The following CCSER1 variants were observed in gnomAD, a reference collection of about 807,000 sequenced individuals.
CCSER1 encodes the protein serine-rich coiled-coil domain-containing protein 1.
CCSER1 carries 41 observed loss-of-function variants against 82.0 expected under a neutral mutation model. That is an observed-to-expected ratio of 0.50 (90% confidence interval 0.39 to 0.65). The LOEUF (loss-of-function observed/expected upper bound fraction) is 0.65. Among genes scored for constraint, CCSER1 ranks in the 30% least tolerant of loss-of-function variants. The probability of loss-of-function intolerance (pLI) is 0.00; values close to 1 mark genes in which losing one functional copy is unlikely to be tolerated. For synonymous variants in CCSER1, 414 were observed against 383.9 expected (o/e 1.08, Z -0.92); for missense variants, 1,119 against 1,064.2 (o/e 1.05, Z -0.72).
At chr4:90,489,375 C>T (rs1259981558) in intron 5 of CCSER1, among the ~76,000 whole-genome samples, 1 of 151,770 alleles carries the variant, frequency 6.6e-6, no homozygotes, top group Non-Finnish European at 1.5e-5. Flanking sequence ...TAAGATATAC[C>T]CCTTTAAAAC....
intron 5 of CCSER1, among the ~76,000 whole-genome samples, chr4:90,593,523 G>A (rs567520075): frequency 1.3e-5 from 2 of 152,178 alleles, no homozygotes; most frequent in Admixed American, 6.6e-5. Context: ...TATGCCCTAT[G>A]TAAATGAAGA....
intron 7 of CCSER1, among the ~76,000 whole-genome samples, chr4:90,767,754 A>G (rs926007725): frequency 2.0e-5 from 3 of 152,006 alleles, no homozygotes; most frequent in Non-Finnish European, 2.9e-5. Context: ...AGTTTGCTCC[A>G]TCTCCAGGGC....
intron 9 of CCSER1, among the ~76,000 whole-genome samples, chr4:91,006,343 G>C (rs1001088822): frequency 6.7e-6 from 1 of 148,958 alleles, no homozygotes; most frequent in African/African-American, 2.5e-5. Context: ...GGTTAATTTT[G>C]TATCCTGCAA....
intron 10 of CCSER1, among the ~76,000 whole-genome samples, chr4:91,505,684 T>A (rs911060133): frequency 2.6e-5 from 4 of 152,232 alleles, no homozygotes; most frequent in African/African-American, 9.6e-5. Context: ...TTTGCAGTTA[T>A]CTAATGATCA....
At chr4:90,817,053 C>T (rs17247348) in intron 8 of CCSER1, among the ~76,000 whole-genome samples, 19,812 of 152,012 alleles carry the variant, frequency 0.13, 1,604 homozygotes, top group Non-Finnish European at 0.18. Flanking sequence ...ACCAAAATAA[C>T]CTTTTATAAA....
intron 8 of CCSER1, among the ~76,000 whole-genome samples, chr4:90,881,772 A>T (rs1242613087): frequency 1.3e-5 from 2 of 152,146 alleles, no homozygotes; most frequent in African/African-American, 4.8e-5. Flanking sequence ...GTGACAGAGT[A>T]AGACCATGTC....
chr4:90,890,285 T>C (rs1229922368), intron 8 of CCSER1, among the ~76,000 whole-genome samples: 1 of 152,208 alleles, frequency 6.6e-6, no homozygotes, highest in African/African-American at 2.4e-5. Context: ...TTTATTTCCC[T>C]GGGCTTCAGA....
chr4:90,709,096 T>G (rs1276614802), intron 6 of CCSER1, among the ~76,000 whole-genome samples: 2 of 152,106 alleles, frequency 1.3e-5, no homozygotes, highest in Non-Finnish European at 2.9e-5. Flanking sequence ...AATGACAGGA[T>G]TAATGAAGTT....
At chr4:90,862,620 C>A (rs1451055792) in intron 8 of CCSER1, among the ~76,000 whole-genome samples, 1 of 151,816 alleles carries the variant, frequency 6.6e-6, no homozygotes, top group African/African-American at 2.4e-5. Flanking sequence ...TCACATTAGT[C>A]CAGCAATTCA....
chr4:90,343,699 G>T (rs1482532712), intron 3 of CCSER1, among the ~76,000 whole-genome samples: 1 of 151,904 alleles, frequency 6.6e-6, no homozygotes, highest in East Asian at 1.9e-4. Flanking sequence ...CAGACTTTTT[G>T]GTAACACAAA....
intron 5 of CCSER1, among the ~76,000 whole-genome samples, chr4:90,588,700 G>T (rs1285101553): frequency 6.6e-6 from 1 of 152,126 alleles, no homozygotes. Context: ...TGGAATCATG[G>T]GGTCGGTTTC....
intron 9 of CCSER1, among the ~76,000 whole-genome samples, chr4:90,931,018 T>C (rs937893487): frequency 3.5e-5 from 5 of 142,178 alleles, no homozygotes; most frequent in African/African-American, 1.3e-4. Context: ...CCTTGAAATA[T>C]ATATATATAT....
intron 5 of CCSER1, among the ~76,000 whole-genome samples, chr4:90,484,078 A>G (rs1009079615): frequency 4.6e-5 from 7 of 152,064 alleles, no homozygotes; most frequent in Non-Finnish European, 7.4e-5. Context: ...GTTTCTTTTT[A>G]TTCTTTTTTC....
intron 10 of CCSER1, among the ~76,000 whole-genome samples, chr4:91,384,641 T>C (rs1297993098): frequency 6.6e-6 from 1 of 152,068 alleles, no homozygotes; most frequent in Non-Finnish European, 1.5e-5. Context: ...GTATATCTTA[T>C]ATAATATGAC....
intron 10 of CCSER1, among the ~76,000 whole-genome samples, chr4:91,534,448 A>T (rs1439771728): frequency 6.6e-6 from 1 of 152,020 alleles, no homozygotes; most frequent in Admixed American, 6.6e-5. Flanking sequence ...CCACACTATG[A>T]TGTTTACTTG....
chr4:91,231,414 A>G (rs1334401788), intron 10 of CCSER1, among the ~76,000 whole-genome samples: 1 of 151,910 alleles, frequency 6.6e-6, no homozygotes, highest in African/African-American at 2.4e-5. Context: ...CTACACACAC[A>G]TACACATATG....
chr4:91,473,579 T>C (rs1757403913), intron 10 of CCSER1, among the ~76,000 whole-genome samples: 1 of 152,118 alleles, frequency 6.6e-6, no homozygotes, highest in African/African-American at 2.4e-5. Context: ...AGCTCTTTTA[T>C]CTCAGACAAT....
chr4:90,579,016 TA>T (rs1189554033), intron 5 of CCSER1, among the ~76,000 whole-genome samples: 1 of 52,916 alleles, frequency 1.9e-5, no homozygotes, highest in Admixed American at 1.4e-4. Context: ...TGTTGTCTAT[TA>T]AAAAAAGCTT....
At chr4:91,091,775 C>A (rs1241870497) in intron 10 of CCSER1, among the ~76,000 whole-genome samples, 1 of 152,128 alleles carries the variant, frequency 6.6e-6, no homozygotes, top group African/African-American at 2.4e-5. Flanking sequence ...GGATAACGGT[C>A]TTGGGTCCCT....
Sources: allele counts gnomAD v4.1 joint callset (sites outside exome capture counted in the v4.1 genomes callset), GRCh38; gene constraint gnomAD v4.1.1; transcripts MANE v1.5; gene names NCBI Gene and HGNC (gene_info 2026-07-23, HGNC 2026-07-21).